Variants in DCC observed in about 807,000 individuals in gnomAD.
DCC encodes the protein DCC netrin 1 receptor.
A neutral mutation model predicts 172.5 loss-of-function variants in DCC; 58 were observed. The ratio of observed to expected loss-of-function variants is 0.34; its 90% CI spans 0.27 to 0.42. The LOEUF (loss-of-function observed/expected upper bound fraction) is 0.42. Ranked by LOEUF, DCC falls within the 10% of genes least tolerant of loss-of-function variation. The pLI is 1.00. For missense variants in DCC, 1,740 were observed against 1,791.0 expected, an observed-to-expected ratio of 0.97 and a Z score of 0.51; for synonymous variants, 709 against 644.5, an observed-to-expected ratio of 1.10 and a Z score of -1.52.
chr18:53,243,963 C>T (rs559991261), intron 12 of DCC, among the ~76,000 whole-genome samples: 1 of 152,238 alleles, frequency 6.6e-6, no homozygotes, highest in South Asian at 2.1e-4. Flanking sequence ...CCCTAAAATT[C>T]TAAGCAATCA....
intron 8 of DCC, among the ~76,000 whole-genome samples, chr18:53,159,269 T>C (rs184279635): frequency 6.6e-6 from 1 of 152,244 alleles, no homozygotes; most frequent in East Asian, 1.9e-4. Context: ...TCCTTATGTA[T>C]ATTTTTCCTT....
rs553441058 is a variant in DCC at position 52,695,263 on chromosome 18, GTA to G, written c.92-56789_92-56788del. Among the ~76,000 whole-genome samples, 11 of 152,218 alleles carry G rather than the reference GTA, an allele frequency of 7.2e-5. No individual in the cohort carries two copies. The East Asian group carries it at 2.1e-3, about 29-fold the overall frequency. ...AATGGAGATTAAAAATAATTACTTT[GTA>G]TTACTTTATGAGAATAATTGAACAC... On this transcript the variant is annotated intron_variant, in intron 1 of 28. Transcript: ENST00000442544.
At chr18:53,281,112 G>GT (rs912364582) in intron 12 of DCC, among the ~76,000 whole-genome samples, 2 of 152,166 alleles carry the variant, frequency 1.3e-5, no homozygotes, top group African/African-American at 4.8e-5. Context: ...TAAAAGATCT[G>GT]TTTTTTAAAT....
At chr18:53,175,308 TG>T (rs1357339681) in intron 8 of DCC, among the ~76,000 whole-genome samples, 3 of 151,720 alleles carry the variant, frequency 2.0e-5, no homozygotes, top group African/African-American at 7.3e-5. Context: ...TTCAACATAG[TG>T]TTGGAAGTTC....
At chr18:53,080,644 G>C (rs1326833749) in intron 7 of DCC, among the ~76,000 whole-genome samples, 1 of 152,106 alleles carries the variant, frequency 6.6e-6, no homozygotes, top group African/African-American at 2.4e-5. Flanking sequence ...GATGAATGCA[G>C]AATATTTTGT....
chr18:53,071,773 T>C (rs1328138060), intron 7 of DCC, among the ~76,000 whole-genome samples: 1 of 152,212 alleles, frequency 6.6e-6, no homozygotes, highest in East Asian at 1.9e-4. Context: ...CCTTTCTAAA[T>C]AAGACATTAT....
intron 7 of DCC, among the ~76,000 whole-genome samples, chr18:53,123,021 CTG>C (rs1412465897): frequency 1.3e-5 from 2 of 152,134 alleles, no homozygotes; most frequent in East Asian, 3.9e-4. Flanking sequence ...ATGCTGGACA[CTG>C]TACAGATCAT....
chr18:52,968,913 C>T (rs527821797), intron 5 of DCC, among the ~76,000 whole-genome samples: 1 of 152,160 alleles, frequency 6.6e-6, no homozygotes, highest in East Asian at 1.9e-4. Flanking sequence ...TATTTTTCCA[C>T]ATTAAATCAG....
intron 9 of DCC, among the ~76,000 whole-genome samples, chr18:53,180,422 T>G (rs1227328195): frequency 1.3e-5 from 2 of 152,208 alleles, no homozygotes; most frequent in African/African-American, 4.8e-5. Context: ...TAATAATTTG[T>G]AGGACCCAAA....
intron 18 of DCC, among the ~76,000 whole-genome samples, chr18:53,400,559 G>T (rs1402539362): frequency 6.6e-6 from 1 of 152,072 alleles, no homozygotes; most frequent in Non-Finnish European, 1.5e-5. Flanking sequence ...AATTCTGCTC[G>T]ACTTAGTAGG....
intron 1 of DCC, among the ~76,000 whole-genome samples, chr18:52,623,205 A>G (rs186870757): frequency 6.6e-6 from 1 of 152,234 alleles, no homozygotes; most frequent in Non-Finnish European, 1.5e-5. Flanking sequence ...TTGGAGTTGG[A>G]CATGAGGAAG....
chr18:52,853,261 C>T (rs2039004705), intron 2 of DCC, among the ~76,000 whole-genome samples: 1 of 152,112 alleles, frequency 6.6e-6, no homozygotes, highest in Non-Finnish European at 1.5e-5. Flanking sequence ...GAGCTGGGCA[C>T]AGGATAAATC....
Position 53,159,008 on chromosome 18 carries a change from A to AAAAAG in DCC, c.1418+1496_1418+1497insAAAAG, listed in dbSNP as rs34406723. 7.2e-4 allele frequency among the ~76,000 whole-genome samples: 86 copies of AAAAAG among 119,136 alleles called. 9 individuals carry two copies. Among genetic ancestry groups the AAAAAG allele is most frequent in the African/African-American group, 1.3e-3 (40 of 30,628 alleles). 78.2% of individuals were successfully genotyped at this position (119,136 alleles called of 152,430 possible). A position where few individuals can be genotyped will look rare whatever the true frequency, so the allele number is the denominator to read the frequency against. ...CATCTCAAAAAAAAAAAAAAAAAGA[A>AAAAAG]GAAGATGTAGGCATACCCATATTGC... On this transcript the variant is annotated intron_variant, in intron 8 of 28. Transcript: ENST00000442544.
In DCC at chr18:53,069,530, A is replaced by G. The variant is rs940703161; in HGVS notation, c.1261+3364A>G. On this transcript the variant is annotated intron_variant, in intron 7 of 28. Coordinates refer to ENST00000442544, the MANE Select transcript of DCC (RefSeq NM_005215.4). ...TAGGAGGGTGGCGCAGGTCAGCCAGAGAGTGCTTTGCCAACTCCAGCAGGG... is the reference window on the plus strand; with the variant it reads ...TAGGAGGGTGGCGCAGGTCAGCCAGGGAGTGCTTTGCCAACTCCAGCAGGG... Among the ~76,000 whole-genome samples, 6 of 152,028 alleles carry G rather than the reference A, an allele frequency of 3.9e-5. No individual in the cohort carries two copies. The East Asian group carries it at 5.8e-4, about 15-fold the overall frequency.
Position 52,923,703 on chromosome 18 carries a change from A to G in DCC, c.698-4A>G, listed in dbSNP as rs186985326. The G allele has an allele frequency of 1.1e-5, 17 of 1,600,616 alleles. No individual in the cohort carries two copies. Among genetic ancestry groups the G allele is most frequent in the Non-Finnish European group, 1.5e-5 (17 of 1,168,004 alleles). ...TCATATGATACTGTGTTTTCCCCTCATAGATCCAGGACTGCATAGACAGCT... is the reference window on the plus strand; with the variant it reads ...TCATATGATACTGTGTTTTCCCCTCGTAGATCCAGGACTGCATAGACAGCT... On this transcript the variant is annotated splice_polypyrimidine_tract_variant and splice_region_variant and intron_variant, in intron 3 of 28. Coordinates refer to ENST00000442544, the MANE Select transcript of DCC (RefSeq NM_005215.4).
chr18:52,897,562 G>GA (rs2039749030), intron 2 of DCC, among the ~76,000 whole-genome samples: 1 of 152,176 alleles, frequency 6.6e-6, no homozygotes, highest in Non-Finnish European at 1.5e-5. Flanking sequence ...CAGGAATGTA[G>GA]AAATACTTTT....
intron 2 of DCC, among the ~76,000 whole-genome samples, chr18:52,872,256 T>C (rs991127556): frequency 2.0e-5 from 3 of 152,128 alleles, no homozygotes; most frequent in African/African-American, 7.2e-5. Context: ...AAAAGGACAC[T>C]TGGCTAGCAA....
chr18:53,105,169 A>G (rs1019893996), intron 7 of DCC, among the ~76,000 whole-genome samples: 1 of 152,050 alleles, frequency 6.6e-6, no homozygotes, highest in African/African-American at 2.4e-5. Flanking sequence ...AAAAGGTTCT[A>G]TGCATGGAAG....
intron 7 of DCC, among the ~76,000 whole-genome samples, chr18:53,128,259 T>C (rs189007865): frequency 5.3e-5 from 8 of 152,292 alleles, no homozygotes; most frequent in Non-Finnish European, 1.0e-4. Context: ...AGATTTTACA[T>C]AACCATGTTT....
Sources: gnomAD v4.1 joint callset for allele counts (sites outside exome capture counted in the v4.1 genomes callset) on GRCh38, gnomAD v4.1.1 for gene constraint, MANE v1.5 for transcripts, NCBI Gene and HGNC (gene_info 2026-07-23, HGNC 2026-07-21) for gene names.